Variants in KRTDAP observed in about 807,000 individuals in gnomAD.
The protein encoded by KRTDAP is keratinocyte differentiation-associated protein.
KRTDAP carries 14 observed loss-of-function variants against 18.6 expected under a neutral mutation model. The observed-to-expected ratio is 0.75, with a 90% CI of 0.50 to 1.18. The LOEUF (loss-of-function observed/expected upper bound fraction) is 1.18, where lower values mean the gene tolerates loss of function less well. Among genes scored for constraint, KRTDAP ranks in the 50% most tolerant of loss-of-function variants. KRTDAP has a pLI of 0.00. For missense variants in KRTDAP, 114 were observed against 121.3 expected, an observed-to-expected ratio of 0.94 and a Z score of 0.28; for synonymous variants, 53 against 49.5, an observed-to-expected ratio of 1.07 and a Z score of -0.29.
In KRTDAP at chr19:35,487,362, G is replaced by T; in HGVS notation, c.*66C>A. 6.8e-7 allele frequency: 1 copy of T among 1,462,604 alleles called. No individual in the cohort carries two copies. Among genetic ancestry groups the T allele is most frequent in the Non-Finnish European group, 9.6e-7 (1 of 1,041,212 alleles). 90.6% of individuals were successfully genotyped at this position (1,462,604 alleles called of 1,614,324 possible). On this transcript the variant is annotated 3_prime_UTR_variant, in exon 6 of 6. Coordinates refer to ENST00000338897, the MANE Select transcript of KRTDAP (RefSeq NM_207392.3). ...ATGTTTTATTGGAGTTCCTGAGGCA[G>T]GAAAGAGTTATGGTAGGTTGAGAAT... is the stretch of plus-strand genomic sequence containing the variant.
intron 4 of KRTDAP, 25 bp from the exon 5 acceptor site, chr19:35,487,784 G>A (rs1355359983): frequency 6.3e-7 from 1 of 1,586,006 alleles, no homozygotes; most frequent in Non-Finnish European, 8.7e-7. Context: ...GAGAAAGAGA[G>A]TGATGTGTTG....
Position 35,488,828 on chromosome 19 carries a change from T to C in KRTDAP, c.100A>G (p.Ile34Val). Residue 34 changes from isoleucine (I) to valine (V), a missense_variant, in exon 2 of 6, where the codon ATT (isoleucine) becomes GTT (valine). Transcript: ENST00000338897. Reference protein sequence around the residue: ...TLGGPEEESTIENYASRPEAF... With the variant: ...TLGGPEEESTVENYASRPEAF... Reference sequence around the variant, plus strand: ...TCGGGTCGTGACGCATAATTCTCAATGGTGCTTTCTTCCTGGAAAAGGAGA... The same window carrying C: ...TCGGGTCGTGACGCATAATTCTCAACGGTGCTTTCTTCCTGGAAAAGGAGA... The C allele has an allele frequency of 6.2e-7, 1 of 1,614,036 alleles. No individual in the cohort carries two copies. Among genetic ancestry groups the C allele is most frequent in the Non-Finnish European group, 8.5e-7 (1 of 1,180,008 alleles).
intron 2 of KRTDAP, 28 bp downstream of exon 2, chr19:35,488,774 G>A (rs769992070): frequency 1.9e-6 from 3 of 1,614,130 alleles, no homozygotes; most frequent in Non-Finnish European, 2.5e-6. Flanking sequence ...ACTCGTGGCT[G>A]GAGGGCCGGG....
chr19:35,490,341 A>T lies in KRTDAP; in HGVS notation c.87+15T>A. 1.9e-6 allele frequency: 3 copies of T among 1,556,658 alleles called. No individual in the cohort carries two copies. The highest frequency in any genetic ancestry group is 2.6e-6 in the Non-Finnish European group (3 of 1,140,002). ...GTAACACGTATAAGAATAAAAATGC[A>T]GGTGACGTGCTCACCTCAGGACCAC... On this transcript the variant is annotated intron_variant, in intron 1 of 5. Coordinates refer to ENST00000338897, the MANE Select transcript of KRTDAP (RefSeq NM_207392.3).
Position 35,487,470 on chromosome 19 carries a change from G to C in KRTDAP, c.262-4C>G. 2.5e-6 allele frequency: 4 copies of C among 1,613,942 alleles called. No homozygotes were observed. Among genetic ancestry groups the C allele is most frequent in the Non-Finnish European group, 3.4e-6 (4 of 1,179,784 alleles). On this transcript the variant is annotated splice_region_variant and splice_polypyrimidine_tract_variant and intron_variant, in intron 5 of 5. Coordinates refer to ENST00000338897, the MANE Select transcript of KRTDAP (RefSeq NM_207392.3). ...TTGCGCTCCTCAGTCCTTTCAGCTA[G>C]AGGGAGAGGGGTCAGGGTTAGATGG...
At position 35,487,671 on chromosome 19, in the gene KRTDAP, A is replaced by T. The variant is rs199828843; in HGVS notation, c.261+41T>A. ...TCCCATATCTTCTGCTTCTTCCCTT[A>T]CCCCCAAGCTCCATACCCTCCTAAT... is the stretch of plus-strand genomic sequence containing the variant. On this transcript the variant is annotated intron_variant, in intron 5 of 5. Transcript: ENST00000338897. 7.8e-5 allele frequency: 121 copies of T among 1,543,138 alleles called. No homozygotes were observed. In the East Asian group the frequency reaches 2.4e-3, roughly 30 times the overall value.
chr19:35,488,988 G>C (rs879630482), intron 1 of KRTDAP, 148 bp from the exon 2 acceptor site: 1 of 706,186 alleles, frequency 1.4e-6, no homozygotes, highest in African/African-American at 1.8e-5. Context: ...CGTTCCAGTC[G>C]CGCACATGGT....
rs1176707391 is a variant in KRTDAP, at chr19:35,487,364, A to G, written c.*64T>C. On this transcript the variant is annotated 3_prime_UTR_variant, in exon 6 of 6. Transcript: ENST00000338897. ...GTTTTATTGGAGTTCCTGAGGCAGG[A>G]AAGAGTTATGGTAGGTTGAGAATCA... The G allele has an allele frequency of 2.0e-6, 3 of 1,476,060 alleles. No individual in the cohort carries two copies. The African/African-American group carries it at 4.1e-5, about 20-fold the overall frequency. 91.4% of individuals were successfully genotyped at this position (1,476,060 alleles called of 1,614,324 possible). A position where few individuals can be genotyped will look rare whatever the true frequency, so the allele number is the denominator to read the frequency against.
rs759152118 is a variant in KRTDAP, at chr19:35,490,403, G to A, written c.40C>T (p.Leu14Phe). 1.2e-5 allele frequency: 20 copies of A among 1,613,696 alleles called. No individual in the cohort carries two copies. In the South Asian group the frequency reaches 2.1e-4, roughly 17 times the overall value. ...PVLPAVVLLS[L>F]LVLHSAQGAT... ...CCCTGGGCAGAGTGGAGCACCAGGAGGGAGAGGAGCACCACGGCAGGAAGG... is the reference window on the plus strand; with the variant it reads ...CCCTGGGCAGAGTGGAGCACCAGGAAGGAGAGGAGCACCACGGCAGGAAGG... The change falls in exon 1 of 6, where the codon CTC becomes TTC. Residue 14 changes from leucine (L) to phenylalanine (F), a missense_variant. Physicochemically the swap from Leu to Phe is conservative, Grantham distance 22. Transcript: ENST00000338897.
intron 1 of KRTDAP, 81 bp from the exon 2 acceptor site, chr19:35,488,921 G>T: frequency 7.4e-7 from 1 of 1,349,208 alleles, no homozygotes; most frequent in Non-Finnish European, 1.0e-6. Flanking sequence ...TGCCAGCTCT[G>T]CCTTCATCCA....
intron 1 of KRTDAP, among the ~76,000 whole-genome samples, chr19:35,489,175 A>G (rs1298985855): frequency 6.6e-6 from 1 of 152,220 alleles, no homozygotes; most frequent in Non-Finnish European, 1.5e-5. Flanking sequence ...ACCCACGCTC[A>G]GTCCGTATAG....
In KRTDAP at chr19:35,488,483, C is replaced by A. The variant is rs17638234; in HGVS notation, c.171G>T (p.Ala57=). ...PFLNIDKLRS[A]FKADEFLNWH... Reference sequence around the variant, plus strand: ...AGTTCAGGAACTCATCAGCCTTAAACGCCTGAGGAGGAAGAGAGACAGCAG... The same window carrying A: ...AGTTCAGGAACTCATCAGCCTTAAAAGCCTGAGGAGGAAGAGAGACAGCAG... Residue 57 remains alanine, a splice_region_variant and synonymous_variant, in exon 4 of 6, where the codon GCG becomes GCT. Coordinates refer to ENST00000338897, the MANE Select transcript of KRTDAP (RefSeq NM_207392.3). 1.9e-6 allele frequency: 3 copies of A among 1,613,512 alleles called. No individual in the cohort carries two copies. In the Admixed American group the frequency reaches 5.0e-5, roughly 27 times the overall value.
intron 5 of KRTDAP, 118 bp from the exon 6 acceptor site, chr19:35,487,584 G>GCT (rs1445593605): frequency 8.7e-7 from 1 of 1,153,440 alleles, no homozygotes; most frequent in African/African-American, 1.5e-5. Context: ...ATATGTAGTA[G>GCT]CTAAGACCTC....
Position 35,488,868 on chromosome 19 carries a change from C to T in KRTDAP, c.88-28G>A. The T allele has an allele frequency of 2.5e-6, 4 of 1,611,596 alleles. No homozygotes were observed. In the Middle Eastern group the frequency reaches 6.7e-4, roughly 270 times the overall value. On this transcript the variant is annotated intron_variant, in intron 1 of 5. Transcript: ENST00000338897. ...GGAAAAGGAGAGGGAGAAAAGGCGG[C>T]AGGGGGTCACGTGATGCCAGGGCCC... is the stretch of plus-strand genomic sequence containing the variant.
chr19:35,488,920 T>C, intron 1 of KRTDAP, 80 bp from the exon 2 acceptor site: 1 of 1,366,184 alleles, frequency 7.3e-7, no homozygotes, highest in South Asian at 1.2e-5. Context: ...CTGCCAGCTC[T>C]GCCTTCATCC....
intron 4 of KRTDAP, among the ~76,000 whole-genome samples, chr19:35,487,978 C>T (rs2067500790): frequency 6.6e-6 from 1 of 152,164 alleles, no homozygotes; most frequent in Admixed American, 6.5e-5. Context: ...TTACAGCAAC[C>T]TTTTGTGGTG....
In KRTDAP at chr19:35,488,653, C is replaced by T. The variant is rs777332421; in HGVS notation, c.168+9G>A. The T allele has an allele frequency of 5.0e-6, 8 of 1,614,108 alleles. No homozygotes were observed. The highest frequency in any genetic ancestry group is 2.2e-5 in the East Asian group (1 of 44,876). On this transcript the variant is annotated intron_variant, in intron 3 of 5. Transcript: ENST00000338897. ...ATTCGTGGGGGTAGCACCAGAGAAG[C>T]GTACTCACAGATCGCAATTTGTCGA...
chr19:35,490,464 T>C lies in KRTDAP; in HGVS notation c.-22A>G, dbSNP rs1489206217. On this transcript the variant is annotated 5_prime_UTR_variant, in exon 1 of 6. Coordinates refer to ENST00000338897, the MANE Select transcript of KRTDAP (RefSeq NM_207392.3). ...TCATGGCGTCAAGTTTGGGGTGCTC[T>C]GAGGCGGGGCCTCAGTGCTTGCTCT... The C allele has an allele frequency of 6.5e-7, 1 of 1,548,564 alleles. No homozygotes were observed. Among genetic ancestry groups the C allele is most frequent in the Non-Finnish European group, 8.9e-7 (1 of 1,122,854 alleles).
chr19:35,488,854 G>A lies in KRTDAP; in HGVS notation c.88-14C>T, dbSNP rs772904664. 3.1e-6 allele frequency: 5 copies of A among 1,613,616 alleles called. No homozygotes were observed. The highest frequency in any genetic ancestry group is 4.2e-6 in the Non-Finnish European group (5 of 1,179,912). Reference sequence around the variant, plus strand: ...GGTGCTTTCTTCCTGGAAAAGGAGAGGGAGAAAAGGCGGCAGGGGGTCACG... The same window carrying A: ...GGTGCTTTCTTCCTGGAAAAGGAGAAGGAGAAAAGGCGGCAGGGGGTCACG... On this transcript the variant is annotated splice_polypyrimidine_tract_variant and intron_variant, in intron 1 of 5. Coordinates refer to ENST00000338897, the MANE Select transcript of KRTDAP (RefSeq NM_207392.3).
Sources: allele counts gnomAD v4.1 joint callset (sites outside exome capture counted in the v4.1 genomes callset), GRCh38; gene constraint gnomAD v4.1.1; transcripts MANE v1.5; gene names NCBI Gene and HGNC (gene_info 2026-07-23, HGNC 2026-07-21).